GRM7: variants seen among roughly 807,000 people sequenced by gnomAD.
The protein encoded by GRM7 is glutamate metabotropic receptor 7.
In GRM7, 35 loss-of-function variants were observed where a neutral mutation model predicts 84.5. The observed-to-expected ratio is 0.41, with a 90% CI of 0.32 to 0.55. The LOEUF is 0.55. Among genes scored for constraint, GRM7 ranks in the 20% least tolerant of loss-of-function variants. GRM7 has a pLI of 0.19. For missense variants in GRM7, 1,003 were observed against 1,194.6 expected (o/e 0.84, Z 2.36); for synonymous variants, 487 against 455.1 (o/e 1.07, Z -0.89).
chr3:7,325,696 A>G (rs746179957), intron 4 of GRM7, among the ~76,000 whole-genome samples: 4 of 152,198 alleles, frequency 2.6e-5, no homozygotes, highest in South Asian at 4.1e-4. Flanking sequence ...ATTCTGGTCA[A>G]AGGTAATTCA....
At chr3:7,561,368 G>T in intron 7 of GRM7, 1 of 334,922 alleles carries the variant, frequency 3.0e-6, no homozygotes, top group Non-Finnish European at 6.1e-6. Flanking sequence ...TCCTATTGAG[G>T]GAAAGAAAAT....
Position 6,861,325 on chromosome 3 carries a change from A to T in GRM7, c.-64A>T, listed in dbSNP as rs1005713126. On this transcript the variant is annotated 5_prime_UTR_variant, in exon 1 of 10. Coordinates refer to ENST00000357716, the MANE Select transcript of GRM7 (RefSeq NM_000844.4). The surrounding 1 kb of genome is among the most constrained non-coding windows in gnomAD (Gnocchi z 6.4). ...GAGGAGCTCGCCCTGAAGGGCCCGG[A>T]CCTCGGCGAGCCCACCACCGTTCCC... 1 of 1,384,076 alleles carries T rather than the reference A, an allele frequency of 7.2e-7. No homozygotes were observed. 85.7% of individuals were successfully genotyped at this position (1,384,076 alleles called of 1,614,324 possible).
chr3:7,290,112 A>G (rs1699570840), intron 2 of GRM7, among the ~76,000 whole-genome samples: 1 of 152,208 alleles, frequency 6.6e-6, no homozygotes, highest in African/African-American at 2.4e-5. Context: ...TGCCTGAAAT[A>G]TGAAAGTTGC....
intron 7 of GRM7, among the ~76,000 whole-genome samples, chr3:7,566,103 G>GTTTT (rs58178956): frequency 1.2e-4 from 16 of 130,020 alleles, no homozygotes; most frequent in South Asian, 2.6e-4. Context: ...TGAATCAGCT[G>GTTTT]TTTTTTTTTT....
chr3:7,032,407 A>T (rs1327335973), intron 1 of GRM7, among the ~76,000 whole-genome samples: 1 of 152,236 alleles, frequency 6.6e-6, no homozygotes, highest in Non-Finnish European at 1.5e-5. Flanking sequence ...CATTAAAGGA[A>T]ATAATAGACA....
chr3:7,023,102 G>C (rs1695840586), intron 1 of GRM7, among the ~76,000 whole-genome samples: 1 of 152,060 alleles, frequency 6.6e-6, no homozygotes, highest in South Asian at 2.1e-4. Flanking sequence ...AGGAACAAAA[G>C]TTGTCTCATT....
At chr3:6,898,769 C>CTATG (rs1423997698) in intron 1 of GRM7, among the ~76,000 whole-genome samples, 8 of 151,100 alleles carry the variant, frequency 5.3e-5, no homozygotes, top group African/African-American at 1.9e-4. Context: ...AGCCCAGGAG[C>CTATG]TATGATTGCA....
chr3:7,445,786 G>T (rs1259340624), intron 5 of GRM7, among the ~76,000 whole-genome samples: 1 of 152,080 alleles, frequency 6.6e-6, no homozygotes, highest in African/African-American at 2.4e-5. Flanking sequence ...ACCCTTGAGG[G>T]GGAACAATAC....
chr3:7,201,137 T>C (rs902858302), intron 2 of GRM7, among the ~76,000 whole-genome samples: 1 of 151,724 alleles, frequency 6.6e-6, no homozygotes, highest in Admixed American at 6.6e-5. Context: ...GCCCGGCTAA[T>C]TTTTTGTATT....
At chr3:7,384,107 CA>C (rs1694694580) in intron 4 of GRM7, among the ~76,000 whole-genome samples, 1 of 152,304 alleles carries the variant, frequency 6.6e-6, no homozygotes, top group South Asian at 2.1e-4. Flanking sequence ...TGGCTCACCA[CA>C]ACCTCCACCT....
At chr3:7,705,607 A>C (rs1701359067) in intron 9 of GRM7, among the ~76,000 whole-genome samples, 1 of 152,226 alleles carries the variant, frequency 6.6e-6, no homozygotes, top group African/African-American at 2.4e-5. Context: ...TGTAGGCATT[A>C]ATAAACACAA....
chr3:7,435,119 C>T (rs557943838), intron 5 of GRM7, among the ~76,000 whole-genome samples: 1 of 151,216 alleles, frequency 6.6e-6, no homozygotes, highest in Non-Finnish European at 1.5e-5. Context: ...TATTTAGTGT[C>T]TGTTGCATCT....
intron 1 of GRM7, among the ~76,000 whole-genome samples, chr3:6,980,184 C>A (rs1019154199): frequency 2.6e-5 from 4 of 151,874 alleles, no homozygotes; most frequent in African/African-American, 9.7e-5. Flanking sequence ...ATGAAGAGGC[C>A]TTGGGAAAGA....
At chr3:7,285,309 T>C (rs1699391518) in intron 2 of GRM7, among the ~76,000 whole-genome samples, 1 of 152,172 alleles carries the variant, frequency 6.6e-6, no homozygotes, top group African/African-American at 2.4e-5. Flanking sequence ...GCAGATGGCT[T>C]TTAGTTATTT....
rs372132445 is a variant in GRM7, at chr3:7,052,720, G to GTTTTTT, written c.520-93720_520-93715dup. On this transcript the variant is annotated intron_variant, in intron 1 of 9. Transcript: ENST00000357716. ...ATGCATGTTATTGCAAGTATCGGTA[G>GTTTTTT]TTTTTTTTTTTTTTTTTGCATTGCC... Among the ~76,000 whole-genome samples, 247 of 101,496 alleles carry GTTTTTT rather than the reference G, an allele frequency of 2.4e-3. 5 individuals carry two copies. Among genetic ancestry groups the GTTTTTT allele is most frequent in the African/African-American group, 0.01 (230 of 22,278 alleles). The allele number at this position is 101,496 out of a possible 152,430, so 66.6% of individuals were successfully genotyped here.
chr3:7,212,100 TGAA>T (rs1696449918), intron 2 of GRM7, among the ~76,000 whole-genome samples: 1 of 152,076 alleles, frequency 6.6e-6, no homozygotes, highest in African/African-American at 2.4e-5. Flanking sequence ...AATTTCCAGT[TGAA>T]GTACCACATT....
At chr3:7,440,651 C>T (rs1697249837) in intron 5 of GRM7, among the ~76,000 whole-genome samples, 1 of 152,098 alleles carries the variant, frequency 6.6e-6, no homozygotes, top group Non-Finnish European at 1.5e-5. Flanking sequence ...TTCTCATCTT[C>T]TAGCCTCAAA....
intron 1 of GRM7, among the ~76,000 whole-genome samples, chr3:6,955,398 A>G (rs1282339803): frequency 1.3e-5 from 2 of 152,016 alleles, no homozygotes; most frequent in African/African-American, 2.4e-5. Context: ...TTAGCTGGGC[A>G]TGGTGGTGGG....
chr3:7,565,346 A>G (rs1569285), intron 7 of GRM7, among the ~76,000 whole-genome samples: 90,327 of 151,588 alleles, frequency 0.6, 27,300 homozygotes, highest in East Asian at 0.78. Flanking sequence ...TGCTCTCATG[A>G]AGCATACACA....
Sources: allele counts gnomAD v4.1 joint callset (sites outside exome capture counted in the v4.1 genomes callset), GRCh38; gene constraint gnomAD v4.1.1; non-coding constraint Gnocchi (gnomAD v3.1); transcripts MANE v1.5; gene names NCBI Gene and HGNC (gene_info 2026-07-23, HGNC 2026-07-21).